The following CLVS1 variants were observed in gnomAD, a reference collection of about 807,000 sequenced individuals.
CLVS1 encodes clavesin-1.
In CLVS1, 10 loss-of-function variants were observed where a neutral mutation model predicts 33.1. The observed-to-expected ratio is 0.30, with a 90% confidence interval of 0.19 to 0.51. The LOEUF (loss-of-function observed/expected upper bound fraction) is 0.51, where lower values mean the gene tolerates loss of function less well. CLVS1 is among the 20% of genes least tolerant of loss of function. CLVS1 has a pLI of 0.97. For missense variants in CLVS1, 343 were observed against 433.4 expected, an observed-to-expected ratio of 0.79 and a Z score of 1.85; for synonymous variants, 163 against 166.1, an observed-to-expected ratio of 0.98 and a Z score of 0.14.
chr8:60,974,489 A>C, the CLVS1 span, among the ~76,000 whole-genome samples: 1 of 152,136 alleles, frequency 6.6e-6, no homozygotes, highest in Non-Finnish European at 1.5e-5. Flanking sequence ...ACAAACATTG[A>C]CTTCCTCAAA....
intron 2 of CLVS1, among the ~76,000 whole-genome samples, chr8:61,301,604 G>A (rs530459563): frequency 1.1e-4 from 17 of 152,276 alleles, no homozygotes; most frequent in Middle Eastern, 3.4e-3. Flanking sequence ...ACCCACCTGA[G>A]AACTTTGCAT....
At chr8:61,463,621 C>T (rs542361442) in intron 5 of CLVS1, among the ~76,000 whole-genome samples, 4 of 152,248 alleles carry the variant, frequency 2.6e-5, no homozygotes, top group South Asian at 2.1e-4. Flanking sequence ...AATGAGAGAA[C>T]ATTTGATCTG....
At chr8:61,259,564 G>T (rs1251746306) in intron 2 of CLVS1, among the ~76,000 whole-genome samples, 1 of 152,214 alleles carries the variant, frequency 6.6e-6, no homozygotes, top group Non-Finnish European at 1.5e-5. Context: ...TGCAGCCAAG[G>T]CTTTTAGGAC....
At chr8:61,083,206 C>T (rs932532626) in intron 1 of CLVS1, among the ~76,000 whole-genome samples, 3 of 152,122 alleles carry the variant, frequency 2.0e-5, no homozygotes. Context: ...ACACTGGACT[C>T]GGTAACTATA....
intron 1 of CLVS1, among the ~76,000 whole-genome samples, chr8:61,116,257 G>A (rs941342672): frequency 2.0e-5 from 3 of 151,878 alleles, no homozygotes; most frequent in African/African-American, 7.3e-5. Flanking sequence ...TGAGTTCATT[G>A]TAGATTCTGG....
intron 2 of CLVS1, among the ~76,000 whole-genome samples, chr8:61,201,545 G>C (rs1384385388): frequency 6.6e-6 from 1 of 152,174 alleles, no homozygotes; most frequent in Non-Finnish European, 1.5e-5. Context: ...GAGGAGGCAG[G>C]ACATGTTCAA....
At chr8:61,308,020 C>T (rs1422780652) in intron 2 of CLVS1, among the ~76,000 whole-genome samples, 1 of 152,194 alleles carries the variant, frequency 6.6e-6, no homozygotes, top group African/African-American at 2.4e-5. Context: ...GCTTCAGGCT[C>T]CAACTTGGCT....
intron 2 of CLVS1, among the ~76,000 whole-genome samples, chr8:61,339,888 G>A (rs1811957631): frequency 6.7e-6 from 1 of 149,510 alleles, no homozygotes; most frequent in Non-Finnish European, 1.5e-5. Flanking sequence ...AGAGAAGGAG[G>A]GAGGGAGAAA....
intron 5 of CLVS1, among the ~76,000 whole-genome samples, chr8:61,495,735 C>T (rs1355758416): frequency 6.6e-6 from 1 of 152,192 alleles, no homozygotes; most frequent in Non-Finnish European, 1.5e-5. Context: ...AAGGCTAATG[C>T]AACTCTAAAT....
the CLVS1 span, among the ~76,000 whole-genome samples, chr8:61,032,187 C>T: frequency 6.6e-6 from 1 of 152,186 alleles, no homozygotes; most frequent in African/African-American, 2.4e-5. Context: ...AGAGCTGCTT[C>T]TATCCTGAGA....
chr8:60,987,274 G>T, the CLVS1 span, among the ~76,000 whole-genome samples: 2 of 152,206 alleles, frequency 1.3e-5, no homozygotes. Context: ...TGGAAATGAT[G>T]TCTAAAATAA....
chr8:61,079,121 G>A (rs965801185), intron 1 of CLVS1, among the ~76,000 whole-genome samples: 2 of 152,170 alleles, frequency 1.3e-5, no homozygotes, highest in East Asian at 3.9e-4. Context: ...AAATATAAGA[G>A]TAAAAAGAGT....
intron 2 of CLVS1, among the ~76,000 whole-genome samples, chr8:61,143,822 T>TATAATATGTATATATTATATATAC (rs1806360956): frequency 6.8e-6 from 1 of 147,622 alleles, no homozygotes; most frequent in Non-Finnish European, 1.5e-5. Flanking sequence ...AATTCACATA[T>TATAATATGTATATATTATATATAC]ATAATATGTA....
the CLVS1 span, among the ~76,000 whole-genome samples, chr8:61,006,181 C>T: frequency 2.0e-4 from 31 of 152,248 alleles, no homozygotes; most frequent in Middle Eastern, 3.4e-3. Flanking sequence ...AGGGACAAAT[C>T]GGAAAGAGCT....
chr8:61,006,732 C>T, the CLVS1 span, among the ~76,000 whole-genome samples: 1 of 152,172 alleles, frequency 6.6e-6, no homozygotes, highest in Non-Finnish European at 1.5e-5. Flanking sequence ...ACAAGGACCA[C>T]AGGTTTGAAG....
intron 5 of CLVS1, among the ~76,000 whole-genome samples, chr8:61,473,163 C>T (rs1446927612): frequency 6.6e-6 from 1 of 151,676 alleles, no homozygotes; most frequent in South Asian, 2.1e-4. Flanking sequence ...AAAAGTACCC[C>T]AAGCAAAAAG....
intron 3 of CLVS1, among the ~76,000 whole-genome samples, chr8:61,443,853 C>T (rs1158121945): frequency 6.6e-6 from 1 of 152,012 alleles, no homozygotes; most frequent in Non-Finnish European, 1.5e-5. Flanking sequence ...TATATATTAT[C>T]TTAAAATCTA....
chr8:61,131,199 A>G (rs776427799), intron 1 of CLVS1, among the ~76,000 whole-genome samples: 6 of 152,166 alleles, frequency 3.9e-5, no homozygotes, highest in Non-Finnish European at 5.9e-5. Flanking sequence ...GAAACCATGG[A>G]TTCACAAAGG....
chr8:60,969,236 G>A, the CLVS1 span, among the ~76,000 whole-genome samples: 2 of 152,198 alleles, frequency 1.3e-5, no homozygotes, highest in African/African-American at 4.8e-5. Context: ...AACAGGGGTT[G>A]GGGGTTAGTC....
Sources: allele counts gnomAD v4.1 joint callset (sites outside exome capture counted in the v4.1 genomes callset), GRCh38; gene constraint gnomAD v4.1.1; transcripts MANE v1.5; gene names NCBI Gene and HGNC (gene_info 2026-07-23, HGNC 2026-07-21).